POLK: variants seen among roughly 807,000 people sequenced by gnomAD.
POLK encodes the protein DNA polymerase kappa.
In POLK, 76 loss-of-function variants were observed where a neutral mutation model predicts 94.0. The observed-to-expected ratio is 0.81, with a 90% CI of 0.67 to 0.98. The LOEUF is 0.98. POLK is among the 50% of genes least tolerant of loss of function. The pLI is 0.00. For synonymous variants in POLK, 349 were observed against 325.4 expected (o/e 1.07, Z -0.78); for missense variants, 954 against 1,010.1 (o/e 0.94, Z 0.75).
At chr5:75,543,001 G>A (rs1261728935) in intron 1 of POLK, among the ~76,000 whole-genome samples, 5 of 147,730 alleles carry the variant, frequency 3.4e-5, no homozygotes, top group Admixed American at 1.4e-4. Context: ...GTGAGCCACC[G>A]CGCCCAGCCT....
chr5:75,603,213 C>T (rs576135224), downstream of POLK, among the ~76,000 whole-genome samples: 30 of 152,302 alleles, frequency 2.0e-4, no homozygotes, highest in African/African-American at 7.0e-4. Context: ...GCTACCTCTG[C>T]CAACCCTGTA....
At chr5:75,562,130 C>A (rs1029230304) in intron 3 of POLK, among the ~76,000 whole-genome samples, 1 of 152,160 alleles carries the variant, frequency 6.6e-6, no homozygotes, top group Non-Finnish European at 1.5e-5. Flanking sequence ...TTGATTCTTC[C>A]CATCCATGAG....
At chr5:75,534,833 T>C (rs1769368127) in intron 1 of POLK, 2 of 152,236 alleles carry the variant, frequency 1.3e-5, no homozygotes, top group Non-Finnish European at 2.9e-5. Flanking sequence ...TGTAGATTTT[T>C]CTTCATCCCT....
downstream of POLK, among the ~76,000 whole-genome samples, chr5:75,604,856 A>G (rs577861834): frequency 1.3e-5 from 2 of 152,230 alleles, no homozygotes; most frequent in African/African-American, 2.4e-5. Context: ...TTTGTAATAC[A>G]TAACTGAATT....
intron 1 of POLK, among the ~76,000 whole-genome samples, chr5:75,524,135 A>C (rs980631887): frequency 3.3e-5 from 5 of 152,092 alleles, no homozygotes; most frequent in African/African-American, 1.2e-4. Context: ...TCTCAAAAAA[A>C]AAAAACAACA....
rs138077589 is a variant in POLK, at chr5:75,584,719, A to C, written c.1060-41A>C. 3.4e-6 allele frequency: 4 copies of C among 1,173,758 alleles called. No individual in the cohort carries two copies. In the East Asian group the frequency reaches 1.1e-4, roughly 31 times the overall value. The allele number at this position is 1,173,758 out of a possible 1,614,324, so 72.7% of individuals were successfully genotyped here. ...GGTTGTAATCTCAATTTTTAGCTTC[A>C]CTTTAAAATCTATTAATAATAAATA... is the stretch of plus-strand genomic sequence containing the variant. On this transcript the variant is annotated intron_variant, in intron 8 of 14. Transcript: ENST00000241436.
At chr5:75,550,771 A>G in intron 2 of POLK, among the ~76,000 whole-genome samples, 1 of 152,182 alleles carries the variant, frequency 6.6e-6, no homozygotes, top group East Asian at 1.9e-4. Context: ...AATCTAGTAA[A>G]GGGCATCTAT....
In POLK at chr5:75,587,072, A is replaced by G; in HGVS notation, c.1259+14A>G. ...GAGCGTTGAGAGGTAATGTTTTATTATTTATTGTTAATTGTGCATAATTCA... is the reference window on the plus strand; with the variant it reads ...GAGCGTTGAGAGGTAATGTTTTATTGTTTATTGTTAATTGTGCATAATTCA... On this transcript the variant is annotated intron_variant, in intron 10 of 14. Transcript: ENST00000241436. 7.2e-7 allele frequency: 1 copy of G among 1,387,110 alleles called. No individual in the cohort carries two copies. The highest frequency in any genetic ancestry group is 1.0e-6 in the Non-Finnish European group (1 of 988,424). The allele number at this position is 1,387,110 out of a possible 1,614,324, so 85.9% of individuals were successfully genotyped here.
chr5:75,548,150 G>A (rs1172832319), intron 2 of POLK, among the ~76,000 whole-genome samples: 1 of 152,082 alleles, frequency 6.6e-6, no homozygotes, highest in Non-Finnish European at 1.5e-5. Flanking sequence ...TTGATCTGCT[G>A]GCCTCAAGCA....
At chr5:75,593,768 A>G in intron 11 of POLK, 110 bp from the exon 12 acceptor site, 1 of 555,128 alleles carries the variant, frequency 1.8e-6, no homozygotes. Context: ...GCTTGAACCC[A>G]GAAGTTGAAG....
chr5:75,570,313 G>A (rs1364817739), intron 4 of POLK, among the ~76,000 whole-genome samples: 2 of 152,158 alleles, frequency 1.3e-5, no homozygotes, highest in Non-Finnish European at 2.9e-5. Context: ...TAGTTAAAGA[G>A]AGTTGAAGAA....
chr5:75,551,425 AAGAT>A (rs1770326722), intron 2 of POLK, among the ~76,000 whole-genome samples: 2 of 152,114 alleles, frequency 1.3e-5, no homozygotes, highest in Admixed American at 6.5e-5. Flanking sequence ...AAAAAAGAAA[AAGAT>A]AGCAATGTGC....
At chr5:75,526,689 C>G (rs1017209355) in intron 1 of POLK, among the ~76,000 whole-genome samples, 1 of 149,212 alleles carries the variant, frequency 6.7e-6, no homozygotes, top group South Asian at 2.1e-4. Context: ...TCAATTGATT[C>G]TCGTGCCTTA....
chr5:75,566,305 G>T (rs972297755), intron 3 of POLK, among the ~76,000 whole-genome samples: 1 of 152,222 alleles, frequency 6.6e-6, no homozygotes, highest in South Asian at 2.1e-4. Flanking sequence ...GCTGGGCTCC[G>T]TGGGCGTGGG....
intron 2 of POLK, among the ~76,000 whole-genome samples, chr5:75,550,572 CCTT>C (rs201559521): frequency 0.019 from 2,862 of 152,004 alleles, 37 homozygotes; most frequent in Middle Eastern, 0.034. Flanking sequence ...GAGCAAGACT[CCTT>C]CTCAGAAAAA....
At chr5:75,587,731 GC>G (rs1385770356) in intron 10 of POLK, among the ~76,000 whole-genome samples, 2 of 152,084 alleles carry the variant, frequency 1.3e-5, no homozygotes, top group African/African-American at 4.8e-5. Flanking sequence ...GACCAGCCTG[GC>G]CAACATGGCA....
chr5:75,602,993 A>C (rs1029689179), downstream of POLK, among the ~76,000 whole-genome samples: 13 of 152,242 alleles, frequency 8.5e-5, no homozygotes, highest in African/African-American at 3.1e-4. Context: ...TTCAGCATCA[A>C]CATGGGTAAT....
chr5:75,597,053 A>G, exon 13 of POLK: 1 of 1,613,544 alleles, frequency 6.2e-7, no homozygotes, highest in Non-Finnish European at 8.5e-7. Context: ...GTAGAACAAA[A>G]GACTTCAGAT....
At chr5:75,583,384 G>C in exon 8 of POLK, 1 of 1,604,322 alleles carries the variant, frequency 6.2e-7, no homozygotes, top group Non-Finnish European at 8.5e-7. Flanking sequence ...GACAAGCTGT[G>C]ATGGACTTCA....
Sources: gnomAD v4.1 joint callset for allele counts (sites outside exome capture counted in the v4.1 genomes callset) on GRCh38, gnomAD v4.1.1 for gene constraint, MANE v1.5 for transcripts, NCBI Gene and HGNC (gene_info 2026-07-23, HGNC 2026-07-21) for gene names.